RNF145: variants seen among roughly 807,000 people sequenced by gnomAD.
RNF145 encodes ring finger protein 145.
In RNF145, 12 loss-of-function variants were observed where a neutral mutation model predicts 57.3. The ratio of observed to expected loss-of-function variants is 0.21; its 90% CI spans 0.13 to 0.34. The LOEUF (loss-of-function observed/expected upper bound fraction) is 0.34. Among genes scored for constraint, RNF145 ranks in the 10% least tolerant of loss-of-function variants. RNF145 has a pLI of 1.00. For synonymous variants in RNF145, 262 were observed against 288.3 expected (o/e 0.91, Z 0.92); for missense variants, 429 against 799.0 (o/e 0.54, Z 5.58).
At position 159,169,818 on chromosome 5, in the gene RNF145, T is replaced by C; in HGVS notation, c.799A>G (p.Ile267Val). ...ERLLFLFLTS[I>V]AECCSTPYSL... ...TAAGGAGTGCTGCAGCATTCCGCAA[T>C]ACTGGAAAAAAAGAGGGGGAAATTA... Residue 267 changes from isoleucine (I) to valine (V), a missense_variant and splice_region_variant, in exon 7 of 11, where the codon ATT becomes GTT. Ile to Val is a conservative substitution (Grantham distance 29). Transcript: ENST00000424310. 1 of 1,593,518 alleles carries C rather than the reference T, an allele frequency of 6.3e-7. No homozygotes were observed.
chr5:159,190,820 A>G (rs1475088341), intron 3 of RNF145, among the ~76,000 whole-genome samples: 1 of 152,090 alleles, frequency 6.6e-6, no homozygotes, highest in Non-Finnish European at 1.5e-5. Context: ...ATTAACTGTG[A>G]TATGTTATGA....
At chr5:159,169,503 C>T (rs1305436622) in intron 7 of RNF145, among the ~76,000 whole-genome samples, 176 bp downstream of exon 7, 3 of 152,154 alleles carry the variant, frequency 2.0e-5, no homozygotes, top group African/African-American at 7.2e-5. Flanking sequence ...ACAAATACAT[C>T]TTTAACATGG....
chr5:159,209,561 G>C (rs535774669), upstream of RNF145: 1,635 of 993,472 alleles, frequency 1.6e-3, 26 homozygotes, highest in African/African-American at 0.026. Flanking sequence ...TGCGGCGGCC[G>C]CGGCCCGACT....
intron 3 of RNF145, among the ~76,000 whole-genome samples, chr5:159,190,667 A>G (rs1785258125): frequency 7.2e-6 from 1 of 138,558 alleles, no homozygotes; most frequent in Non-Finnish European, 1.5e-5. Flanking sequence ...TTGGTGACAC[A>G]GTGACAACCA....
At chr5:159,162,675 C>T (rs542373676) in intron 9 of RNF145, among the ~76,000 whole-genome samples, 41 of 151,602 alleles carry the variant, frequency 2.7e-4, no homozygotes, top group African/African-American at 8.7e-4. Context: ...ACCTCATGAT[C>T]CACCCGCCTC....
At chr5:159,178,460 T>C (rs577849816) in intron 4 of RNF145, among the ~76,000 whole-genome samples, 1 of 152,148 alleles carries the variant, frequency 6.6e-6, no homozygotes, top group African/African-American at 2.4e-5. Context: ...ATTGGACAAG[T>C]CCTCTCTCAT....
At chr5:159,173,395 A>G (rs1784616940) in intron 6 of RNF145, among the ~76,000 whole-genome samples, 2 of 152,186 alleles carry the variant, frequency 1.3e-5, no homozygotes, top group Admixed American at 6.5e-5. Context: ...CCATTTCACC[A>G]ATTACCGGAC....
intron 1 of RNF145, among the ~76,000 whole-genome samples, chr5:159,205,690 A>T (rs996611964): frequency 6.6e-6 from 1 of 152,208 alleles, no homozygotes; most frequent in Non-Finnish European, 1.5e-5. Flanking sequence ...GACAGTCTTT[A>T]TACTGCCATC....
intron 3 of RNF145, among the ~76,000 whole-genome samples, chr5:159,191,471 T>C (rs1785287677): frequency 6.6e-6 from 1 of 152,186 alleles, no homozygotes; most frequent in Non-Finnish European, 1.5e-5. Flanking sequence ...TTTTGCCTAC[T>C]ATAAAATTTT....
intron 10 of RNF145, 171 bp downstream of exon 10, chr5:159,161,095 A>C (rs1294109783): frequency 9.3e-6 from 5 of 538,026 alleles, no homozygotes; most frequent in Non-Finnish European, 1.3e-5. Flanking sequence ...TTAATTTAGA[A>C]ATAAAATGGA....
At chr5:159,198,000 G>A (rs1489346188) in intron 2 of RNF145, among the ~76,000 whole-genome samples, 1 of 152,082 alleles carries the variant, frequency 6.6e-6, no homozygotes, top group Non-Finnish European at 1.5e-5. Context: ...CAGCACTTTG[G>A]GAGGCCAAAG....
chr5:159,173,203 T>C (rs939489972), intron 6 of RNF145, among the ~76,000 whole-genome samples: 2 of 152,184 alleles, frequency 1.3e-5, no homozygotes, highest in African/African-American at 4.8e-5. Flanking sequence ...CAACAAAAAT[T>C]TGTAAACTTT....
intron 2 of RNF145, among the ~76,000 whole-genome samples, chr5:159,201,244 C>A (rs1441335988): frequency 6.6e-6 from 1 of 152,096 alleles, no homozygotes; most frequent in Non-Finnish European, 1.5e-5. Context: ...CCTGAGTATG[C>A]GCAGATTTTG....
intron 2 of RNF145, among the ~76,000 whole-genome samples, chr5:159,199,607 C>A (rs934745848): frequency 6.6e-6 from 1 of 152,162 alleles, no homozygotes; most frequent in Admixed American, 6.5e-5. Flanking sequence ...TGCCTAAAAT[C>A]CTAACTGGTC....
rs1784125502 is a variant in RNF145, at chr5:159,158,853, G to A, written c.1809C>T (p.Val603=). ...LQPHAGAEQN[V]MFQEGTEPPG... is the part of the protein sequence containing the mutation. ...GGGGTTCAGTACCTTCCTGAAACAT[G>A]ACGTTTTGCTCAGCTCCAGCATGAG... Residue 603 remains valine (V), a synonymous_variant, in exon 11 of 11, where the codon GTC becomes GTT. Coordinates refer to ENST00000424310, the MANE Select transcript of RNF145 (RefSeq NM_001199383.2). The A allele has an allele frequency of 1.2e-6, 2 of 1,613,922 alleles. No individual in the cohort carries two copies. Among genetic ancestry groups the A allele is most frequent in the African/African-American group, 2.7e-5 (2 of 75,006 alleles).
At chr5:159,208,445 G>C (rs1045057035) in intron 1 of RNF145, among the ~76,000 whole-genome samples, 2 of 152,178 alleles carry the variant, frequency 1.3e-5, no homozygotes, top group African/African-American at 4.8e-5. Flanking sequence ...GGGTCCTTGG[G>C]TGGGGAAAGC....
chr5:159,207,351 T>A (rs1785927498), intron 1 of RNF145: 1 of 630,164 alleles, frequency 1.6e-6, no homozygotes, highest in Admixed American at 3.2e-5. Flanking sequence ...AAAATACACC[T>A]CCTAAACTTT....
In RNF145 at chr5:159,197,570, TA is replaced by T. The variant is rs1423912290; in HGVS notation, c.185-2747del. 1.4e-3 allele frequency among the ~76,000 whole-genome samples: 216 copies of T among 151,164 alleles called. 1 individual carries two copies. Among genetic ancestry groups the T allele is most frequent in the African/African-American group, 5.2e-3 (210 of 40,492 alleles). On this transcript the variant is annotated intron_variant, in intron 2 of 10. Transcript: ENST00000424310. ...GAAAACTTTGAGAGACAATGAATAC[TA>T]ACTATGAGAGCAGTATGAATGAACC...
In RNF145 at chr5:159,161,503, A is replaced by G. The variant is rs1462954635; in HGVS notation, c.1389T>C (p.Phe463=). The G allele has an allele frequency of 9.3e-6, 15 of 1,614,064 alleles. No homozygotes were observed. The highest frequency in any genetic ancestry group is 1.3e-5 in the Non-Finnish European group (15 of 1,180,018). Residue 463 remains phenylalanine (F), a synonymous_variant, in exon 10 of 11, where the codon TTT becomes TTC. Transcript: ENST00000424310. ...AGGCCACCACACAGAGGGCCACAAG[A>G]AACTCCAGCAGGCGGTAAGTGCCAT... The part of the protein sequence containing the change: ...YVNGTYRLLE[F]LVALCVVAYG...
Sources: allele counts gnomAD v4.1 joint callset (sites outside exome capture counted in the v4.1 genomes callset), GRCh38; gene constraint gnomAD v4.1.1; transcripts MANE v1.5; gene names NCBI Gene and HGNC (gene_info 2026-07-23, HGNC 2026-07-21).